PIK3C3: variants seen among roughly 807,000 people sequenced by gnomAD.
PIK3C3 encodes PI3-kinase type 3.
Under a neutral mutation model 126.1 loss-of-function variants are expected in PIK3C3, and 95 were observed. The observed-to-expected ratio is 0.75, with a 90% CI of 0.64 to 0.89. PIK3C3 has a LOEUF of 0.89. Among genes scored for constraint, PIK3C3 ranks in the 40% least tolerant of loss-of-function variants. The pLI, the probability that PIK3C3 is intolerant of heterozygous loss-of-function variation, is 0.00. For synonymous variants in PIK3C3, 374 were observed against 360.0 expected (o/e 1.04, Z -0.44); for missense variants, 829 against 1,063.2 (o/e 0.78, Z 3.06).
chr18:42,027,378 G>C (rs1983617080), intron 13 of PIK3C3, 65 bp from the exon 14 acceptor site: 1 of 813,174 alleles, frequency 1.2e-6, no homozygotes, highest in Non-Finnish European at 2.0e-6. Context: ...GAAATGATAT[G>C]AGTATTTACA....
chr18:42,002,552 T>C (rs377284339), intron 9 of PIK3C3, among the ~76,000 whole-genome samples: 4 of 152,208 alleles, frequency 2.6e-5, no homozygotes, highest in African/African-American at 9.6e-5. Context: ...TTTTTGTCTT[T>C]TGGTTCATTA....
At position 41,993,284 on chromosome 18, in the gene PIK3C3, A is replaced by T. The variant is rs775525325; in HGVS notation, c.729A>T (p.Ser243=). ...IVYYEKDGDE[S]SPILTSFELV... ...CTGTAATCTAGGACGGTGATGAATC[A>T]TCTCCAATTTTAACAAGTTTTGAAT... The change falls in exon 7 of 25, where the codon TCA becomes TCT. Residue 243 remains serine, a synonymous_variant. Transcript: ENST00000262039. The T allele has an allele frequency of 6.2e-7, 1 of 1,607,760 alleles. No homozygotes were observed. Among genetic ancestry groups the T allele is most frequent in the Non-Finnish European group, 8.5e-7 (1 of 1,175,174 alleles).
rs139141379 is a variant in PIK3C3 at position 42,036,884 on chromosome 18, A to G, written c.1840-808A>G. On this transcript the variant is annotated intron_variant, in intron 16 of 24. Coordinates refer to ENST00000262039, the MANE Select transcript of PIK3C3 (RefSeq NM_002647.4). Reference sequence around the variant, plus strand: ...CTGAAACTTTTTGAGTGCTGACATGATGCCGCAAGTGGAAAATCCTCCAGC... The same window carrying G: ...CTGAAACTTTTTGAGTGCTGACATGGTGCCGCAAGTGGAAAATCCTCCAGC... Among the ~76,000 whole-genome samples the G allele has an allele frequency of 2.2e-3, 338 of 152,324 alleles. 1 individual carries two copies. The highest frequency in any genetic ancestry group is 7.5e-3 in the African/African-American group (312 of 41,580).
intron 23 of PIK3C3, among the ~76,000 whole-genome samples, chr18:42,065,191 T>C (rs1427261188): frequency 6.6e-6 from 1 of 152,196 alleles, no homozygotes; most frequent in Non-Finnish European, 1.5e-5. Flanking sequence ...TTGGAATGTC[T>C]ATTATCTCTC....
rs1260179526 is a variant in PIK3C3, at chr18:42,081,650, A to G, written c.*513A>G. The G allele has an allele frequency of 1.3e-5, 2 of 153,162 alleles. No homozygotes were observed. The highest frequency in any genetic ancestry group is 4.8e-5 in the African/African-American group (2 of 41,468). The allele number at this position is 153,162 out of a possible 1,614,324, so 9.5% of individuals were successfully genotyped here. On this transcript the variant is annotated 3_prime_UTR_variant, in exon 25 of 25. Coordinates refer to ENST00000262039, the MANE Select transcript of PIK3C3 (RefSeq NM_002647.4). ...TTTACATGTTTAAAGTTCTACTTAA[A>G]ATTTTTCTTCAAGTTTTACATGTGA... is the stretch of plus-strand genomic sequence containing the variant.
chr18:42,024,204 A>G (rs780694429), intron 13 of PIK3C3, among the ~76,000 whole-genome samples: 3 of 152,206 alleles, frequency 2.0e-5, no homozygotes, highest in Non-Finnish European at 2.9e-5. Context: ...TCATCTTACA[A>G]TGGGTACCTG....
intron 7 of PIK3C3, among the ~76,000 whole-genome samples, chr18:41,995,496 A>G (rs1001430189): frequency 1.3e-5 from 2 of 152,190 alleles, no homozygotes; most frequent in African/African-American, 4.8e-5. Context: ...ATAACTGCTA[A>G]GATGATAATA....
intron 13 of PIK3C3, among the ~76,000 whole-genome samples, chr18:42,024,171 A>G (rs1439746862): frequency 1.3e-5 from 2 of 152,242 alleles, no homozygotes; most frequent in Non-Finnish European, 2.9e-5. Context: ...TAAAATTGCC[A>G]GGAAACAGGT....
At chr18:42,073,180 A>G (rs1985847205) in intron 24 of PIK3C3, among the ~76,000 whole-genome samples, 1 of 152,194 alleles carries the variant, frequency 6.6e-6, no homozygotes, top group Non-Finnish European at 1.5e-5. Flanking sequence ...CCAGCTCAAG[A>G]TACTAGGAAC....
rs1979711452 is a variant in PIK3C3 at position 41,955,357 on chromosome 18, G to C, written c.66G>C (p.Lys22Asn). The part of the protein sequence containing the change: ...SCDLDINVQL[K>N]IGSLEGKREQ... Reference sequence around the variant, plus strand: ...ACCTGGATATCAACGTCCAGCTTAAGATGTAAGAGAACACTCGGGACAGGG... The same window carrying C: ...ACCTGGATATCAACGTCCAGCTTAACATGTAAGAGAACACTCGGGACAGGG... Residue 22 changes from lysine to asparagine, a missense_variant and splice_region_variant, in exon 1 of 25, where the codon AAG (lysine) becomes AAC (asparagine). Lys to Asn is a moderately conservative substitution (Grantham distance 94). Transcript: ENST00000262039. 2 of 1,612,880 alleles carry C rather than the reference G, an allele frequency of 1.2e-6. No homozygotes were observed. The highest frequency in any genetic ancestry group is 1.7e-6 in the Non-Finnish European group (2 of 1,179,198).
At chr18:42,003,270 T>C (rs1326437126) in intron 9 of PIK3C3, among the ~76,000 whole-genome samples, 3 of 152,184 alleles carry the variant, frequency 2.0e-5, no homozygotes, top group Non-Finnish European at 4.4e-5. Flanking sequence ...AAAAAGATTT[T>C]GGTTGGGCAG....
chr18:42,029,309 A>G lies in PIK3C3; in HGVS notation c.1591-16A>G. ...CGCAACATAGAACTAATTTTTTCTC[A>G]CTTTGAACCCTTCAGGGTGATAAGT... On this transcript the variant is annotated splice_polypyrimidine_tract_variant and intron_variant, in intron 14 of 24. Coordinates refer to ENST00000262039, the MANE Select transcript of PIK3C3 (RefSeq NM_002647.4). 6.4e-7 allele frequency: 1 copy of G among 1,558,000 alleles called. No homozygotes were observed. The highest frequency in any genetic ancestry group is 1.1e-5 in the South Asian group (1 of 89,862).
rs949988146 is a variant in PIK3C3, at chr18:42,081,398, A to C, written c.*261A>C. The C allele has an allele frequency of 1.4e-5, 5 of 368,014 alleles. No individual in the cohort carries two copies. The highest frequency in any genetic ancestry group is 1.9e-5 in the Non-Finnish European group (4 of 205,226). 22.8% of individuals were successfully genotyped at this position (368,014 alleles called of 1,614,324 possible). A position where few individuals can be genotyped will look rare whatever the true frequency, so the allele number is the denominator to read the frequency against. On this transcript the variant is annotated 3_prime_UTR_variant, in exon 25 of 25. Coordinates refer to ENST00000262039, the MANE Select transcript of PIK3C3 (RefSeq NM_002647.4). ...ATTGTTAATAAATTAAGAAATGAGA[A>C]ACATTCTTATTTATGTACATGTTAT... is the stretch of plus-strand genomic sequence containing the variant.
intron 13 of PIK3C3, among the ~76,000 whole-genome samples, chr18:42,023,678 A>G (rs1459739841): frequency 6.6e-6 from 1 of 152,226 alleles, no homozygotes; most frequent in African/African-American, 2.4e-5. Flanking sequence ...AATGTAAGGT[A>G]ACAATAAGGG....
intron 9 of PIK3C3, among the ~76,000 whole-genome samples, chr18:42,002,109 AGT>A (rs1376004931): frequency 6.6e-5 from 10 of 152,206 alleles, no homozygotes; most frequent in African/African-American, 2.4e-4. Flanking sequence ...AAATGACAGT[AGT>A]AAAATTGAGC....
chr18:42,064,820 C>G lies in PIK3C3; in HGVS notation c.2513C>G (p.Thr838Ser). 1 of 1,571,430 alleles carries G rather than the reference C, an allele frequency of 6.4e-7. No individual in the cohort carries two copies. Among genetic ancestry groups the G allele is most frequent in the Non-Finnish European group, 8.8e-7 (1 of 1,141,996 alleles). ...GATATTGCACTTGAACCAGATAAAA[C>G]TGTGAAAAAGGTAATTTTTAAGTAA... ...IPDIALEPDK[T>S]VKKVQDKFRL... is the part of the protein sequence containing the mutation. Residue 838 changes from threonine (T) to serine (S), a missense_variant, in exon 23 of 25, where the codon ACT becomes AGT. By Grantham distance (58) the Thr-to-Ser change is moderately conservative. Transcript: ENST00000262039.
intron 20 of PIK3C3, 40 bp from the exon 21 acceptor site, chr18:42,049,491 T>C (rs755108137): frequency 5.3e-5 from 77 of 1,463,572 alleles, no homozygotes; most frequent in Admixed American, 6.7e-5. Flanking sequence ...TAACCTGGTT[T>C]GCATTTGTTT....
At chr18:41,979,181 C>G in intron 4 of PIK3C3, among the ~76,000 whole-genome samples, 1 of 150,378 alleles carries the variant, frequency 6.6e-6, no homozygotes, top group Admixed American at 6.7e-5. Context: ...GCTTCTGAAA[C>G]AATTCCTAAC....
In PIK3C3 at chr18:42,085,352, T is replaced by C. The variant is rs1568018690; in HGVS notation, c.*4215T>C. The C allele has an allele frequency of 6.6e-6, 1 of 152,192 alleles. No individual in the cohort carries two copies. The highest frequency in any genetic ancestry group is 1.5e-5 in the Non-Finnish European group (1 of 68,026). 9.4% of individuals were successfully genotyped at this position (152,192 alleles called of 1,614,324 possible). A position where few individuals can be genotyped will look rare whatever the true frequency, so the allele number is the denominator to read the frequency against. ...TTTCTAAAACTTCATATACTTTATA[T>C]GGAATATGAACAACTTTAATATGAA... On this transcript the variant is annotated 3_prime_UTR_variant, in exon 25 of 25. Coordinates refer to ENST00000262039, the MANE Select transcript of PIK3C3 (RefSeq NM_002647.4).
Sources: allele counts gnomAD v4.1 joint callset (sites outside exome capture counted in the v4.1 genomes callset), GRCh38; gene constraint gnomAD v4.1.1; transcripts MANE v1.5; gene names NCBI Gene and HGNC (gene_info 2026-07-23, HGNC 2026-07-21).